The following RBMS3 variants were observed in gnomAD, a reference collection of about 807,000 sequenced individuals.
RBMS3 encodes the protein RNA-binding motif, single-stranded-interacting protein 3.
RBMS3 carries 27 observed loss-of-function variants against 66.8 expected under a neutral mutation model. The ratio of observed to expected loss-of-function variants is 0.40; its 90% CI spans 0.30 to 0.56. The LOEUF (loss-of-function observed/expected upper bound fraction) is 0.56. Among genes scored for constraint, RBMS3 ranks in the 20% least tolerant of loss-of-function variants. RBMS3 has a pLI of 0.40. For missense variants in RBMS3, 513 were observed against 549.5 expected, an observed-to-expected ratio of 0.93 and a Z score of 0.66; for synonymous variants, 188 against 183.0, an observed-to-expected ratio of 1.03 and a Z score of -0.22.
intron 2 of RBMS3, among the ~76,000 whole-genome samples, chr3:29,487,385 G>T (rs2043361229): frequency 6.6e-6 from 1 of 152,110 alleles, no homozygotes; most frequent in Admixed American, 6.6e-5. Flanking sequence ...AGAACATAAT[G>T]AAATCCCTAA....
chr3:29,382,100 A>G (rs938755628), intron 1 of RBMS3, among the ~76,000 whole-genome samples: 4 of 152,200 alleles, frequency 2.6e-5, no homozygotes, highest in Admixed American at 6.5e-5. Flanking sequence ...TACCCCTAAT[A>G]AAGACATTCT....
At chr3:29,845,908 A>C (rs541984175) in intron 6 of RBMS3, among the ~76,000 whole-genome samples, 1 of 152,254 alleles carries the variant, frequency 6.6e-6, no homozygotes, top group African/African-American at 2.4e-5. Flanking sequence ...TTTGAGAGGA[A>C]AGATTTCCTT....
At chr3:29,831,126 T>A (rs188971799) in intron 6 of RBMS3, among the ~76,000 whole-genome samples, 40 of 152,318 alleles carry the variant, frequency 2.6e-4, no homozygotes, top group African/African-American at 7.9e-4. Flanking sequence ...GAAACTTTAC[T>A]CAGGGTGGAT....
chr3:29,505,918 T>A (rs1223686022), intron 3 of RBMS3, among the ~76,000 whole-genome samples: 2 of 150,540 alleles, frequency 1.3e-5, no homozygotes, highest in Non-Finnish European at 1.5e-5. Context: ...TATTGTATGT[T>A]GATTTTTTAT....
intron 1 of RBMS3, among the ~76,000 whole-genome samples, chr3:29,420,967 A>G (rs1322273559): frequency 9.6e-6 from 1 of 104,220 alleles, no homozygotes; most frequent in Non-Finnish European, 2.5e-5. Flanking sequence ...AAAAAAATTA[A>G]CTGGGCGTGG....
chr3:29,928,165 G>A (rs967198841), intron 10 of RBMS3, among the ~76,000 whole-genome samples: 55 of 133,688 alleles, frequency 4.1e-4, no homozygotes, highest in African/African-American at 1.5e-3. Context: ...AAACTGGTCT[G>A]CTCCTCTTCA....
intron 14 of RBMS3, among the ~76,000 whole-genome samples, chr3:30,003,339 C>G (rs1476308705): frequency 6.6e-6 from 1 of 151,964 alleles, no homozygotes; most frequent in Non-Finnish European, 1.5e-5. Context: ...AGTTCCTGCT[C>G]TCACAAATTT....
At chr3:29,688,038 C>T (rs140377122) in intron 4 of RBMS3, among the ~76,000 whole-genome samples, 1 of 152,278 alleles carries the variant, frequency 6.6e-6, no homozygotes, top group East Asian at 1.9e-4. Flanking sequence ...TTTCATGGAA[C>T]ATCTAAACTG....
At chr3:29,862,503 A>G (rs2059239386) in intron 6 of RBMS3, among the ~76,000 whole-genome samples, 1 of 152,136 alleles carries the variant, frequency 6.6e-6, no homozygotes. Flanking sequence ...TTTAACACAA[A>G]GAGAAACAGC....
intron 4 of RBMS3, among the ~76,000 whole-genome samples, chr3:29,692,132 C>T (rs2052054417): frequency 6.6e-6 from 1 of 151,484 alleles, no homozygotes; most frequent in South Asian, 2.1e-4. Context: ...CAGATGCCTG[C>T]CACTATGCCA....
intron 4 of RBMS3, among the ~76,000 whole-genome samples, chr3:29,625,008 C>T (rs528864866): frequency 1.3e-5 from 2 of 152,138 alleles, no homozygotes; most frequent in South Asian, 4.1e-4. Context: ...CCATGCTGTT[C>T]TCCTGACAGT....
At chr3:29,963,670 A>C (rs1379647329) in intron 12 of RBMS3, among the ~76,000 whole-genome samples, 1 of 152,022 alleles carries the variant, frequency 6.6e-6, no homozygotes, top group Non-Finnish European at 1.5e-5. Context: ...TCCACTAAAA[A>C]TACAAAAATT....
chr3:29,371,287 A>C (rs992532480), intron 1 of RBMS3, among the ~76,000 whole-genome samples: 1 of 152,260 alleles, frequency 6.6e-6, no homozygotes, highest in East Asian at 1.9e-4. Flanking sequence ...GTACAAGCCA[A>C]TAAGTTTGAA....
chr3:29,955,993 T>C (rs1696015704), intron 12 of RBMS3, among the ~76,000 whole-genome samples: 1 of 152,096 alleles, frequency 6.6e-6, no homozygotes, highest in Non-Finnish European at 1.5e-5. Context: ...AGGTGGACTA[T>C]AATTAAATAA....
At chr3:29,403,751 T>C (rs2039904677) in intron 1 of RBMS3, among the ~76,000 whole-genome samples, 2 of 152,106 alleles carry the variant, frequency 1.3e-5, no homozygotes, top group South Asian at 4.1e-4. Flanking sequence ...AGACTTGAGA[T>C]TAAAGATTTC....
At chr3:29,938,810 C>T (rs1355632349) in intron 11 of RBMS3, among the ~76,000 whole-genome samples, 1 of 151,922 alleles carries the variant, frequency 6.6e-6, no homozygotes, top group Non-Finnish European at 1.5e-5. Flanking sequence ...TGACTTTGTT[C>T]CCTTATTAGC....
chr3:29,366,719 G>A (rs1220495962), intron 1 of RBMS3, among the ~76,000 whole-genome samples: 1 of 152,024 alleles, frequency 6.6e-6, no homozygotes, highest in Non-Finnish European at 1.5e-5. Flanking sequence ...GTATCTCTGG[G>A]GCCAAGAGTT....
intron 6 of RBMS3, among the ~76,000 whole-genome samples, chr3:29,859,884 G>A (rs1014005332): frequency 2.7e-5 from 4 of 150,922 alleles, no homozygotes; most frequent in Non-Finnish European, 5.9e-5. Flanking sequence ...ATGCATGGGG[G>A]CACACACACA....
chr3:29,870,653 T>C (rs928250758), intron 7 of RBMS3, among the ~76,000 whole-genome samples: 7 of 152,160 alleles, frequency 4.6e-5, no homozygotes, highest in Non-Finnish European at 1.0e-4. Flanking sequence ...ATATGTACTA[T>C]GATGTGGAAG....
Sources: allele counts gnomAD v4.1 joint callset (sites outside exome capture counted in the v4.1 genomes callset), GRCh38; gene constraint gnomAD v4.1.1; transcripts MANE v1.5; gene names NCBI Gene and HGNC (gene_info 2026-07-23, HGNC 2026-07-21).